OVOL1: variants seen among roughly 807,000 people sequenced by gnomAD.
The protein encoded by OVOL1 is putative transcription factor Ovo-like 1.
Under a neutral mutation model 21.5 loss-of-function variants are expected in OVOL1, and 10 were observed. The ratio of observed to expected loss-of-function variants is 0.46; its 90% CI spans 0.29 to 0.79. OVOL1 has a LOEUF of 0.79. Ranked by LOEUF, OVOL1 falls within the 30% of genes least tolerant of loss-of-function variation. The probability of loss-of-function intolerance (pLI) is 0.10; values close to 1 mark genes in which losing one functional copy is unlikely to be tolerated. For synonymous variants in OVOL1, 129 were observed against 150.3 expected (o/e 0.86, Z 1.03); for missense variants, 279 against 362.3 (o/e 0.77, Z 1.87).
Position 65,796,743 on chromosome 11 carries a change from C to G in OVOL1, c.*1402C>G, listed in dbSNP as rs1032661206. ...GGGGTTCTGGGTGTAAAGAGGTGTG[C>G]GTCTTGTGGGCCAAAGGGAAAAACA... On this transcript the variant is annotated 3_prime_UTR_variant, in exon 4 of 4. Coordinates refer to ENST00000335987, the MANE Select transcript of OVOL1 (RefSeq NM_004561.4). 1.3e-5 allele frequency: 2 copies of G among 152,212 alleles called. No homozygotes were observed. Among genetic ancestry groups the G allele is most frequent in the Non-Finnish European group, 2.9e-5 (2 of 68,118 alleles). 9.4% of individuals were successfully genotyped at this position (152,212 alleles called of 1,614,324 possible).
chr11:65,791,918 C>T (rs1400041497), intron 1 of OVOL1, among the ~76,000 whole-genome samples: 1 of 152,262 alleles, frequency 6.6e-6, no homozygotes, highest in East Asian at 1.9e-4. Context: ...AGGTGGCACG[C>T]CAGTGTGCAC....
intron 1 of OVOL1, among the ~76,000 whole-genome samples, chr11:65,793,558 C>G (rs541708646): frequency 5.3e-5 from 8 of 152,196 alleles, no homozygotes; most frequent in Non-Finnish European, 8.8e-5. Context: ...TAGGACCACC[C>G]AAACCCCCAA....
chr11:65,787,690 GC>G lies in OVOL1; in HGVS notation c.100+218del, dbSNP rs1287171792. 2.6e-5 allele frequency among the ~76,000 whole-genome samples: 4 copies of G among 151,728 alleles called. 1 individual carries two copies. Among genetic ancestry groups the G allele is most frequent in the Non-Finnish European group, 5.9e-5 (4 of 67,768 alleles). ...CGGAAGAGCGCTGGTCGGGGCGGGG[GC>G]TGCATGGTGGAAGGGGAGCCGCTCC... is the stretch of plus-strand genomic sequence containing the variant. On this transcript the variant is annotated intron_variant, in intron 1 of 3. Coordinates refer to ENST00000335987, the MANE Select transcript of OVOL1 (RefSeq NM_004561.4).
intron 1 of OVOL1, among the ~76,000 whole-genome samples, chr11:65,792,964 G>A (rs60514346): frequency 4.3e-4 from 66 of 152,322 alleles, no homozygotes; most frequent in African/African-American, 1.5e-3. Context: ...TCCTGCTTCT[G>A]CAATCCCACA....
chr11:65,793,165 G>T (rs561258915), intron 1 of OVOL1, among the ~76,000 whole-genome samples: 1 of 152,188 alleles, frequency 6.6e-6, no homozygotes, highest in African/African-American at 2.4e-5. Flanking sequence ...TGTGTCCCTC[G>T]AGAGTGCTCT....
intron 1 of OVOL1, chr11:65,789,586 G>A (rs1857968846): frequency 1.3e-6 from 1 of 797,502 alleles, no homozygotes; most frequent in Non-Finnish European, 1.5e-6. Context: ...GCTGGAGAGT[G>A]GGGGTGCGTT....
chr11:65,795,425 G>A lies in OVOL1; in HGVS notation c.*84G>A. On this transcript the variant is annotated 3_prime_UTR_variant, in exon 4 of 4. Coordinates refer to ENST00000335987, the MANE Select transcript of OVOL1 (RefSeq NM_004561.4). The surrounding 1 kb of genome is among the most constrained non-coding windows in gnomAD (Gnocchi z 5.7). ...AGCTGCCTGGCCAGCCCACCCTCCT[G>A]CAACCTCTCACCCGAACACCAGTGA... 6 of 1,282,190 alleles carry A rather than the reference G, an allele frequency of 4.7e-6. No homozygotes were observed. The highest frequency in any genetic ancestry group is 6.4e-6 in the Non-Finnish European group (6 of 930,708). 79.4% of individuals were successfully genotyped at this position (1,282,190 alleles called of 1,614,324 possible). A position where few individuals can be genotyped will look rare whatever the true frequency, so the allele number is the denominator to read the frequency against.
In OVOL1 at chr11:65,795,193, G is replaced by C. The variant is rs374595597; in HGVS notation, c.656G>C (p.Gly219Ala). 2 of 1,613,354 alleles carry C rather than the reference G, an allele frequency of 1.2e-6. No individual in the cohort carries two copies. Among genetic ancestry groups the C allele is most frequent in the African/African-American group, 2.7e-5 (2 of 75,034 alleles). Residue 219 changes from glycine (G) to alanine (A), a missense_variant, in exon 4 of 4, where the codon GGC becomes GCC. Gly to Ala is a moderately conservative substitution (Grantham distance 60, BLOSUM62 0). Coordinates refer to ENST00000335987, the MANE Select transcript of OVOL1 (RefSeq NM_004561.4). The surrounding 1 kb of genome is among the most constrained non-coding windows in gnomAD (Gnocchi z 5.7). ...RAKLYVCEEC[G>A]CTSESQEGHV... is the part of the protein sequence containing the mutation. Reference sequence around the variant, plus strand: ...AAGCTGTACGTGTGTGAGGAGTGCGGCTGCACATCTGAGAGCCAGGAGGGC... The same window carrying C: ...AAGCTGTACGTGTGTGAGGAGTGCGCCTGCACATCTGAGAGCCAGGAGGGC...
intron 1 of OVOL1, among the ~76,000 whole-genome samples, chr11:65,788,018 G>C (rs910873117): frequency 6.6e-6 from 1 of 152,074 alleles, no homozygotes; most frequent in Non-Finnish European, 1.5e-5. Context: ...GGTGGGGGGC[G>C]TGGGCCCCCA....
At chr11:65,789,601 G>T (rs1857969244) in intron 1 of OVOL1, 1 of 928,214 alleles carries the variant, frequency 1.1e-6, no homozygotes, top group South Asian at 5.0e-5. Context: ...TGCGTTTTGT[G>T]CTGGCCTGTC....
chr11:65,793,963 A>G (rs1591001659), intron 1 of OVOL1, 68 bp from the exon 2 acceptor site: 1 of 1,288,678 alleles, frequency 7.8e-7, no homozygotes, highest in Non-Finnish European at 1.1e-6. Flanking sequence ...ATGGCTAGGG[A>G]AGTTTCCAGA....
chr11:65,792,769 A>C (rs899009519), intron 1 of OVOL1, among the ~76,000 whole-genome samples: 3 of 152,210 alleles, frequency 2.0e-5, no homozygotes, highest in Non-Finnish European at 4.4e-5. Context: ...AGGGGGCGAG[A>C]GCTGGGGCCT....
Position 65,795,458 on chromosome 11 carries a change from T to C in OVOL1, c.*117T>C. Reference sequence around the variant, plus strand: ...TCACCCGAACACCAGTGATCAGGACTGGAGCCCCCGTGCCTTGGTCTCCCC... The same window carrying C: ...TCACCCGAACACCAGTGATCAGGACCGGAGCCCCCGTGCCTTGGTCTCCCC... On this transcript the variant is annotated 3_prime_UTR_variant, in exon 4 of 4. Coordinates refer to ENST00000335987, the MANE Select transcript of OVOL1 (RefSeq NM_004561.4). This position sits in a 1 kb window ranked among gnomAD's most constrained non-coding sequence, Gnocchi z 5.7. The C allele has an allele frequency of 1.0e-6, 1 of 967,342 alleles. No homozygotes were observed. Among genetic ancestry groups the C allele is most frequent in the Non-Finnish European group, 1.5e-6 (1 of 654,614 alleles). 59.9% of individuals were successfully genotyped at this position (967,342 alleles called of 1,614,324 possible).
Position 65,795,042 on chromosome 11 carries a change from A to C in OVOL1, c.509-4A>C. On this transcript the variant is annotated splice_region_variant and splice_polypyrimidine_tract_variant and intron_variant, in intron 3 of 3. Coordinates refer to ENST00000335987, the MANE Select transcript of OVOL1 (RefSeq NM_004561.4). The surrounding 1 kb of genome is among the most constrained non-coding windows in gnomAD (Gnocchi z 5.7). ...TCTGATGCTGGCCCCTGTCCTCCCC[A>C]CAGGCGTGCGGCCCTACAAGTGCAG... is the stretch of plus-strand genomic sequence containing the variant. 1.2e-6 allele frequency: 2 copies of C among 1,611,342 alleles called. No homozygotes were observed. Among genetic ancestry groups the C allele is most frequent in the Non-Finnish European group, 1.7e-6 (2 of 1,179,410 alleles).
chr11:65,791,354 C>T (rs566100791), intron 1 of OVOL1, among the ~76,000 whole-genome samples: 2 of 152,218 alleles, frequency 1.3e-5, no homozygotes, highest in Non-Finnish European at 2.9e-5. Context: ...ACATGCTGGG[C>T]CCCCGTCTCA....
In OVOL1 at chr11:65,794,551, A is replaced by G; in HGVS notation, c.332A>G (p.Asp111Gly). The G allele has an allele frequency of 1.2e-6, 2 of 1,613,234 alleles. No individual in the cohort carries two copies. The highest frequency in any genetic ancestry group is 8.5e-7 in the Non-Finnish European group (1 of 1,179,962). The change falls in exon 3 of 4, where the codon GAC becomes GGC. Residue 111 changes from aspartate (D) to glycine (G), a missense_variant. By Grantham distance (94) the Asp-to-Gly change is moderately conservative. Coordinates refer to ENST00000335987, the MANE Select transcript of OVOL1 (RefSeq NM_004561.4). ...LRTKMKVTLGDSPSGDLFTCR... is the reference protein window; with the variant it reads ...LRTKMKVTLGGSPSGDLFTCR... ...CCTCACCCACAGGTGACCCTTGGGG[A>G]CAGTCCCAGTGGAGACCTGTTCACC...
rs10896044 is a variant in OVOL1, at chr11:65,787,209, C to T, written c.-165C>T. 1 of 504,004 alleles carries T rather than the reference C, an allele frequency of 2.0e-6. No homozygotes were observed. Among genetic ancestry groups the T allele is most frequent in the Non-Finnish European group, 3.7e-6 (1 of 269,206 alleles). 31.2% of individuals were successfully genotyped at this position (504,004 alleles called of 1,614,324 possible). On this transcript the variant is annotated 5_prime_UTR_variant, in exon 1 of 4. Coordinates refer to ENST00000335987, the MANE Select transcript of OVOL1 (RefSeq NM_004561.4). Reference sequence around the variant, plus strand: ...GCGACATTCCGCGGAGGTGGAACCGCCGCGCGCCGTCCGGGCTCGGACCTT... The same window carrying T: ...GCGACATTCCGCGGAGGTGGAACCGTCGCGCGCCGTCCGGGCTCGGACCTT...
Position 65,787,169 on chromosome 11 carries a change from T to A in OVOL1, c.-205T>A. On this transcript the variant is annotated 5_prime_UTR_variant, in exon 1 of 4. Coordinates refer to ENST00000335987, the MANE Select transcript of OVOL1 (RefSeq NM_004561.4). ...GTGCACCTGGCCGCAAGGGACCTCG[T>A]TCTCAGGGAAGACGGCGACATTCCG... 2.2e-6 allele frequency: 1 copy of A among 458,368 alleles called. No homozygotes were observed. 28.4% of individuals were successfully genotyped at this position (458,368 alleles called of 1,614,324 possible).
chr11:65,794,738 G>A lies in OVOL1; in HGVS notation c.508+11G>A. 3.1e-6 allele frequency: 5 copies of A among 1,612,234 alleles called. No homozygotes were observed. In the South Asian group the frequency reaches 3.3e-5, roughly 11 times the overall value. On this transcript the variant is annotated intron_variant, in intron 3 of 3. Transcript: ENST00000335987. ...TCCGAACTCACACTGGTAAGTGGAAGCCCACGGCTGGGAGGAGCACGCCGG... is the reference window on the plus strand; with the variant it reads ...TCCGAACTCACACTGGTAAGTGGAAACCCACGGCTGGGAGGAGCACGCCGG...
Sources: gnomAD v4.1 joint callset for allele counts (sites outside exome capture counted in the v4.1 genomes callset) on GRCh38, gnomAD v4.1.1 for gene constraint, Gnocchi (gnomAD v3.1) non-coding constraint, MANE v1.5 for transcripts, NCBI Gene and HGNC (gene_info 2026-07-23, HGNC 2026-07-21) for gene names.